The following ACTR3C variants were observed in gnomAD, a reference collection of about 807,000 sequenced individuals.
ACTR3C encodes the protein actin-related protein 3C.
ACTR3C carries 18 observed loss-of-function variants against 26.3 expected under a neutral mutation model. The ratio of observed to expected loss-of-function variants is 0.68; its 90% confidence interval spans 0.47 to 1.01. The LOEUF (loss-of-function observed/expected upper bound fraction) is 1.01, where lower values mean the gene tolerates loss of function less well. ACTR3C is among the 50% of genes least tolerant of loss of function. The pLI is 0.00. For missense variants in ACTR3C, 184 were observed against 250.7 expected (o/e 0.73, Z 1.80); for synonymous variants, 55 against 94.5 (o/e 0.58, Z 2.42).
At chr7:150,012,133 G>T in the ACTR3C span, among the ~76,000 whole-genome samples, 502 of 152,214 alleles carry the variant, frequency 3.3e-3, 3 homozygotes, top group African/African-American at 0.012. Context: ...AACTATATCA[G>T]CCCAGTGTGT....
chr7:150,259,891 A>G (rs1315528492), intron 6 of ACTR3C, among the ~76,000 whole-genome samples: 1 of 152,074 alleles, frequency 6.6e-6, no homozygotes, highest in African/African-American at 2.4e-5. Flanking sequence ...ACCTTAAAAT[A>G]CCCCATAGAA....
the ACTR3C span, among the ~76,000 whole-genome samples, chr7:150,132,619 T>C: frequency 6.6e-6 from 1 of 152,078 alleles, no homozygotes; most frequent in Non-Finnish European, 1.5e-5. Context: ...TAATAACAAA[T>C]GCTGTCAAGG....
At chr7:150,035,980 G>C in the ACTR3C span, among the ~76,000 whole-genome samples, 3 of 115,320 alleles carry the variant, frequency 2.6e-5, no homozygotes, top group Middle Eastern at 4.5e-3. Flanking sequence ...CTGGCTCTCA[G>C]TCCCTGCCTC....
chr7:150,174,904 T>C, the ACTR3C span, among the ~76,000 whole-genome samples: 5 of 141,702 alleles, frequency 3.5e-5, no homozygotes, highest in Admixed American at 1.3e-4. Flanking sequence ...CTTATTATTG[T>C]TAAGATGTTG....
chr7:150,019,013 T>C, the ACTR3C span, among the ~76,000 whole-genome samples: 2 of 150,428 alleles, frequency 1.3e-5, no homozygotes, highest in African/African-American at 2.5e-5. Context: ...GCCCCTTTTC[T>C]GTGCTTTTTT....
chr7:150,033,353 C>G, the ACTR3C span, among the ~76,000 whole-genome samples: 1 of 152,230 alleles, frequency 6.6e-6, no homozygotes. Context: ...TCTAGCTGTG[C>G]TCTGTCCCTG....
chr7:150,106,007 G>T, the ACTR3C span, among the ~76,000 whole-genome samples: 1 of 151,716 alleles, frequency 6.6e-6, no homozygotes. Context: ...AAAATTTTAG[G>T]AGAAGCTTTT....
At chr7:150,034,986 T>C in the ACTR3C span, among the ~76,000 whole-genome samples, 1 of 130,592 alleles carries the variant, frequency 7.7e-6, no homozygotes, top group East Asian at 2.4e-4. Flanking sequence ...GGGGGGTGCC[T>C]CCCCCTCCTG....
At chr7:150,249,601 C>T (rs1469270389) in intron 6 of ACTR3C, among the ~76,000 whole-genome samples, 1 of 151,974 alleles carries the variant, frequency 6.6e-6, no homozygotes, top group East Asian at 1.9e-4. Context: ...TTACAGGCGC[C>T]GGACACAACA....
the ACTR3C span, among the ~76,000 whole-genome samples, chr7:150,204,138 AGGTGTCACAGAGCCATTC>A: frequency 4.0e-5 from 6 of 149,340 alleles, no homozygotes; most frequent in East Asian, 2.0e-4. Context: ...CCAAAGGAGA[AGGTGTCACAGAGCCATTC>A]GGTGTCACAG....
chr7:149,975,161 T>G, the ACTR3C span, among the ~76,000 whole-genome samples: 10 of 152,242 alleles, frequency 6.6e-5, no homozygotes, highest in African/African-American at 2.2e-4. Context: ...CAAGTCTTCA[T>G]AATTTTTAAA....
chr7:150,028,213 C>T, the ACTR3C span, among the ~76,000 whole-genome samples: 68 of 152,310 alleles, frequency 4.5e-4, no homozygotes, highest in African/African-American at 1.6e-3. Context: ...CCAGCCGTGC[C>T]CTTCACTATT....
intron 6 of ACTR3C, among the ~76,000 whole-genome samples, chr7:150,259,312 A>C (rs1178297979): frequency 6.6e-6 from 1 of 151,460 alleles, no homozygotes; most frequent in Non-Finnish European, 1.5e-5. Flanking sequence ...AGAAAGAAAA[A>C]GAGAGGAAAG....
chr7:149,980,186 A>G, the ACTR3C span, among the ~76,000 whole-genome samples: 1 of 152,242 alleles, frequency 6.6e-6, no homozygotes, highest in Non-Finnish European at 1.5e-5. Flanking sequence ...CAACTACTCT[A>G]TAAAGGTAGA....
At chr7:150,008,798 C>G in the ACTR3C span, among the ~76,000 whole-genome samples, 1 of 151,214 alleles carries the variant, frequency 6.6e-6, no homozygotes, top group Non-Finnish European at 1.5e-5. Flanking sequence ...GGCTTCCAAA[C>G]AGGGTTTAGA....
At chr7:150,261,229 G>C (rs1833613926) in intron 6 of ACTR3C, among the ~76,000 whole-genome samples, 1 of 152,212 alleles carries the variant, frequency 6.6e-6, no homozygotes, top group South Asian at 2.1e-4. Context: ...TATTGCTAAT[G>C]CAACTGTGGC....
the ACTR3C span, among the ~76,000 whole-genome samples, chr7:149,921,007 C>T: frequency 0.02 from 3,039 of 151,574 alleles, 78 homozygotes; most frequent in African/African-American, 0.064. Flanking sequence ...CTGCCCACCT[C>T]GGCTTCCCAA....
At chr7:150,194,618 G>T in the ACTR3C span, among the ~76,000 whole-genome samples, 1 of 151,934 alleles carries the variant, frequency 6.6e-6, no homozygotes, top group East Asian at 1.9e-4. Context: ...CTCTTTTCAA[G>T]TTGTTCCATT....
At chr7:150,012,414 A>G in the ACTR3C span, among the ~76,000 whole-genome samples, 1 of 150,998 alleles carries the variant, frequency 6.6e-6, no homozygotes, top group East Asian at 2.0e-4. Context: ...TCCCGGGTTC[A>G]CGCCATTCTC....
Sources: allele counts gnomAD v4.1 joint callset (sites outside exome capture counted in the v4.1 genomes callset), GRCh38; gene constraint gnomAD v4.1.1; transcripts MANE v1.5; gene names NCBI Gene and HGNC (gene_info 2026-07-23, HGNC 2026-07-21).